The following SUPT7L variants were observed in gnomAD, a reference collection of about 807,000 sequenced individuals.
SUPT7L encodes the protein SPT7 like, STAGA complex subunit gamma.
Under a neutral mutation model 35.7 loss-of-function variants are expected in SUPT7L, and 15 were observed. The observed-to-expected ratio is 0.42, with a 90% CI of 0.28 to 0.65. SUPT7L has a LOEUF of 0.65. Ranked by LOEUF, SUPT7L falls within the 30% of genes least tolerant of loss-of-function variation. The probability of loss-of-function intolerance (pLI) is 0.23; values close to 1 mark genes in which losing one functional copy is unlikely to be tolerated. For missense variants in SUPT7L, 434 were observed against 522.2 expected (o/e 0.83, Z 1.65); for synonymous variants, 168 against 186.2 (o/e 0.90, Z 0.79).
At chr2:27,646,335 C>T (rs575107182), downstream of SUPT7L, among the ~76,000 whole-genome samples, 2 of 152,312 alleles carry the variant, frequency 1.3e-5, no homozygotes, top group Non-Finnish European at 2.9e-5. Flanking sequence ...AGCCACCATG[C>T]CCAGCCCCAG....
chr2:27,655,425 C>T lies in SUPT7L; in HGVS notation c.922G>A (p.Gly308Arg), dbSNP rs749825803. 2 of 1,613,014 alleles carry T rather than the reference C, an allele frequency of 1.2e-6. No individual in the cohort carries two copies. The highest frequency in any genetic ancestry group is 1.1e-5 in the South Asian group (1 of 90,924). ...GATGGGAAGCGTTCGCTCTGAGCCC[C>T]AAGCACTCCCATAGGCAGTGACTGG... is the stretch of plus-strand genomic sequence containing the variant. ...GDQSLPMGVL[G>R]AQSERFPSNL... The change falls in exon 5 of 6, where the codon GGG becomes AGG. Residue 308 changes from glycine (G) to arginine (R), a missense_variant. Physicochemically the swap from Gly to Arg is moderately radical, Grantham distance 125. This residue lies in a region of SUPT7L where 159 missense variants were observed against 217.1 expected (regional missense o/e 0.73). Coordinates refer to ENST00000337768, the MANE Select transcript of SUPT7L (RefSeq NM_014860.3).
At chr2:27,644,521 A>G in the SUPT7L span, among the ~76,000 whole-genome samples, 14 of 151,930 alleles carry the variant, frequency 9.2e-5, no homozygotes, top group Admixed American at 2.6e-4. Flanking sequence ...ATATATACCT[A>G]TGTTAAAGAG....
chr2:27,652,531 A>G lies in SUPT7L; in HGVS notation c.*954T>C, dbSNP rs1453587906. The G allele has an allele frequency of 6.6e-6, 1 of 152,530 alleles. No homozygotes were observed. The highest frequency in any genetic ancestry group is 2.4e-5 in the African/African-American group (1 of 41,460). The allele number at this position is 152,530 out of a possible 1,614,324, so 9.4% of individuals were successfully genotyped here. On this transcript the variant is annotated 3_prime_UTR_variant, in exon 6 of 6. Coordinates refer to ENST00000337768, the MANE Select transcript of SUPT7L (RefSeq NM_014860.3). ...ACTGATTCAGTACTTATATATACAG[A>G]TAGTCTGATGGATGAGTAACCACAG...
chr2:27,657,541 GT>G lies in SUPT7L; in HGVS notation c.547del (p.Thr183LeufsTer33). ...CANESVLETL[T>X]DVAHEYCLKF... is the part of the protein sequence containing the mutation. ...AAGGCAATACTCATGTGCCACATCA[GT>G]TAGGGTCTCCAGGACACTCTCATTA... On this transcript the variant is annotated frameshift_variant, in exon 4 of 6. Coordinates refer to ENST00000337768, the MANE Select transcript of SUPT7L (RefSeq NM_014860.3). LOFTEE classifies it high-confidence loss of function. This position sits in a 1 kb window ranked among gnomAD's most constrained non-coding sequence, Gnocchi z 5.2. 6.2e-7 allele frequency: 1 copy of G among 1,614,262 alleles called. No individual in the cohort carries two copies. The highest frequency in any genetic ancestry group is 8.5e-7 in the Non-Finnish European group (1 of 1,180,042).
downstream of SUPT7L, chr2:27,650,236 C>A: frequency 7.8e-7 from 1 of 1,281,106 alleles, no homozygotes; most frequent in Non-Finnish European, 1.1e-6. Context: ...TCTAGAAGTC[C>A]AGAATTTTGG....
At chr2:27,644,238 A>C in the SUPT7L span, among the ~76,000 whole-genome samples, 1 of 152,170 alleles carries the variant, frequency 6.6e-6, no homozygotes, top group Non-Finnish European at 1.5e-5. Flanking sequence ...GTTTGTAATA[A>C]GAATTTTGTG....
intron 3 of SUPT7L, among the ~76,000 whole-genome samples, chr2:27,660,373 G>A (rs139494557): frequency 3.3e-5 from 5 of 151,908 alleles, no homozygotes; most frequent in East Asian, 1.9e-4. Context: ...ACAGATGTGC[G>A]CCACTACACC....
chr2:27,653,589 G>C lies in SUPT7L; in HGVS notation c.1141C>G (p.Pro381Ala). 6.2e-7 allele frequency: 1 copy of C among 1,614,160 alleles called. No homozygotes were observed. Among genetic ancestry groups the C allele is most frequent in the Non-Finnish European group, 8.5e-7 (1 of 1,180,020 alleles). ...GMSEAGIPQS[P>A]DDSDSSYGSH... is the part of the protein sequence containing the mutation. ...CCATAGCTGCTATCTGAGTCATCAGGGCTCTGAGGAATCCCAGCTTCACTC... is the reference window on the plus strand; with the variant it reads ...CCATAGCTGCTATCTGAGTCATCAGCGCTCTGAGGAATCCCAGCTTCACTC... Residue 381 changes from proline (P) to alanine (A), a missense_variant, in exon 6 of 6, where the codon CCT becomes GCT. Pro to Ala is a conservative substitution (Grantham distance 27). Transcript: ENST00000337768.
At chr2:27,654,216 AG>A (rs2148109878) in intron 5 of SUPT7L, among the ~76,000 whole-genome samples, 1 of 152,312 alleles carries the variant, frequency 6.6e-6, no homozygotes, top group Non-Finnish European at 1.5e-5. Context: ...TGCTAACAGC[AG>A]TTCTCTACCT....
At chr2:27,662,930 C>A (rs981956889) in intron 1 of SUPT7L, among the ~76,000 whole-genome samples, 9 of 151,080 alleles carry the variant, frequency 6.0e-5, no homozygotes, top group Non-Finnish European at 1.0e-4. Flanking sequence ...CAGGCGCGCA[C>A]CATCAAACCT....
intron 3 of SUPT7L, among the ~76,000 whole-genome samples, chr2:27,659,588 C>T (rs931404731): frequency 6.6e-6 from 1 of 152,074 alleles, no homozygotes; most frequent in African/African-American, 2.4e-5. Flanking sequence ...AATATACTTA[C>T]AAAAGATAAT....
rs1396895134 is a variant in SUPT7L at position 27,661,086 on chromosome 2, G to A, written c.317C>T (p.Pro106Leu). ...TEESEPLPSC[P>L]GSPPLPDDLL... ...GTCATCAGGGAGAGGAGGTGACCCA[G>A]GGCACGAGGGAAGAGGTTCACTCTC... The change falls in exon 3 of 6, where the codon CCT becomes CTT. Residue 106 changes from proline (P) to leucine (L), a missense_variant. Pro to Leu is a moderately conservative substitution (Grantham distance 98, BLOSUM62 -3). Around this residue, in one of 3 missense-constraint regions of SUPT7L, gnomAD observed 198 missense variants for 190.8 expected, o/e 1.04. Coordinates refer to ENST00000337768, the MANE Select transcript of SUPT7L (RefSeq NM_014860.3). 1 of 1,614,196 alleles carries A rather than the reference G, an allele frequency of 6.2e-7. No individual in the cohort carries two copies. The highest frequency in any genetic ancestry group is 8.5e-7 in the Non-Finnish European group (1 of 1,180,040).
At chr2:27,656,811 T>A (rs1042220111) in intron 4 of SUPT7L, among the ~76,000 whole-genome samples, 1 of 151,996 alleles carries the variant, frequency 6.6e-6, no homozygotes, top group African/African-American at 2.4e-5. Context: ...TTTTATTTTT[T>A]AATTTTCTGT....
intron 3 of SUPT7L, among the ~76,000 whole-genome samples, chr2:27,659,811 G>A (rs756480357): frequency 1.3e-5 from 2 of 152,114 alleles, no homozygotes; most frequent in Non-Finnish European, 2.9e-5. Context: ...TTGTATATGT[G>A]TGTATATATG....
At chr2:27,662,131 T>G in intron 2 of SUPT7L, 48 bp downstream of exon 2, 1 of 1,613,926 alleles carries the variant, frequency 6.2e-7, no homozygotes, top group Non-Finnish European at 8.5e-7. Flanking sequence ...AAAGTCAGAA[T>G]TCCTTGGCTT....
rs1041123551 is a variant in SUPT7L, at chr2:27,651,979, C to T, written c.*1506G>A. The T allele has an allele frequency of 6.6e-5, 10 of 152,118 alleles. No individual in the cohort carries two copies. Among genetic ancestry groups the T allele is most frequent in the Non-Finnish European group, 1.0e-4 (7 of 68,054 alleles). The allele number at this position is 152,118 out of a possible 1,614,324, so 9.4% of individuals were successfully genotyped here. ...CCTGGCCAACACGGTGAAACCTCAT[C>T]TCTACTAAAAATGCAAAAATTAGCT... On this transcript the variant is annotated 3_prime_UTR_variant, in exon 6 of 6. Coordinates refer to ENST00000337768, the MANE Select transcript of SUPT7L (RefSeq NM_014860.3).
chr2:27,662,587 TCTCC>T (rs1438974335), intron 1 of SUPT7L, among the ~76,000 whole-genome samples: 7 of 152,160 alleles, frequency 4.6e-5, no homozygotes, highest in Admixed American at 2.6e-4. Context: ...CACCAGTGCA[TCTCC>T]CTTTCTCTAT....
downstream of SUPT7L, among the ~76,000 whole-genome samples, chr2:27,646,015 C>A (rs1674209392): frequency 1.3e-5 from 2 of 151,314 alleles, no homozygotes; most frequent in Admixed American, 6.6e-5. Context: ...CAGGTGTGAA[C>A]CACTGTACCC....
rs1297794990 is a variant in SUPT7L at position 27,651,184 on chromosome 2, A to C, written c.*2301T>G. The C allele has an allele frequency of 6.6e-6, 1 of 152,314 alleles. No individual in the cohort carries two copies. Among genetic ancestry groups the C allele is most frequent in the African/African-American group, 2.4e-5 (1 of 41,436 alleles). 9.4% of individuals were successfully genotyped at this position (152,314 alleles called of 1,614,324 possible). A position where few individuals can be genotyped will look rare whatever the true frequency, so the allele number is the denominator to read the frequency against. On this transcript the variant is annotated 3_prime_UTR_variant, in exon 6 of 6. Coordinates refer to ENST00000337768, the MANE Select transcript of SUPT7L (RefSeq NM_014860.3). ...ATCTTAAAACAGTACATTTCTTTCA[A>C]AGAATTTTATCTCTATGAGTCAGTA...
Sources: gnomAD v4.1 joint callset for allele counts (sites outside exome capture counted in the v4.1 genomes callset) on GRCh38, gnomAD v4.1.1 for gene constraint, gnomAD v4.1.1 regional missense constraint, Gnocchi (gnomAD v3.1) non-coding constraint, MANE v1.5 for transcripts, NCBI Gene and HGNC (gene_info 2026-07-23, HGNC 2026-07-21) for gene names.